The following TNRC6C variants were observed in gnomAD, a reference collection of about 807,000 sequenced individuals.
TNRC6C encodes the protein trinucleotide repeat-containing gene 6C protein.
Under a neutral mutation model 153.7 loss-of-function variants are expected in TNRC6C, and 20 were observed. The ratio of observed to expected loss-of-function variants is 0.13; its 90% CI spans 0.09 to 0.19. The LOEUF (loss-of-function observed/expected upper bound fraction) is 0.19. Ranked by LOEUF, TNRC6C falls within the 10% of genes least tolerant of loss-of-function variation. The pLI, the probability that TNRC6C is intolerant of heterozygous loss-of-function variation, is 1.00. For synonymous variants in TNRC6C, 811 were observed against 841.4 expected (o/e 0.96, Z 0.63); for missense variants, 1,987 against 2,172.0 (o/e 0.91, Z 1.69).
chr17:78,006,025 C>T (rs964152897), intron 1 of TNRC6C, among the ~76,000 whole-genome samples: 3 of 152,118 alleles, frequency 2.0e-5, no homozygotes, highest in African/African-American at 7.2e-5. Context: ...CATGCACTCT[C>T]ACAGCTAATA....
chr17:77,987,971 T>C (rs116127665), intron 1 of TNRC6C, among the ~76,000 whole-genome samples: 320 of 152,190 alleles, frequency 2.1e-3, no homozygotes, highest in African/African-American at 7.5e-3. Flanking sequence ...TGAGCCACCG[T>C]GCCCGGCCTG....
chr17:78,052,288 G>A (rs185610610), intron 3 of TNRC6C, among the ~76,000 whole-genome samples: 29 of 152,278 alleles, frequency 1.9e-4, no homozygotes, highest in Non-Finnish European at 3.1e-4. Flanking sequence ...GTAGAGGACA[G>A]GAACAGAGAA....
At chr17:78,024,912 G>C (rs2071908596) in intron 1 of TNRC6C, among the ~76,000 whole-genome samples, 1 of 151,648 alleles carries the variant, frequency 6.6e-6, no homozygotes, top group South Asian at 2.1e-4. Context: ...TCCTGCCTCA[G>C]CCTCCCGAGT....
chr17:77,990,601 C>G (rs1475820448), intron 1 of TNRC6C, among the ~76,000 whole-genome samples: 1 of 152,174 alleles, frequency 6.6e-6, no homozygotes, highest in Non-Finnish European at 1.5e-5. Context: ...TCCTGACCAG[C>G]CAGAATCCTT....
intron 16 of TNRC6C, among the ~76,000 whole-genome samples, chr17:78,094,796 A>G (rs1485322529): frequency 1.3e-5 from 2 of 152,244 alleles, no homozygotes; most frequent in African/African-American, 4.8e-5. Flanking sequence ...TTTGGCTGGA[A>G]AGCCAACATA....
exon 20 of TNRC6C, chr17:78,105,008 A>G (rs2073667098): frequency 2.2e-6 from 2 of 901,260 alleles, no homozygotes; most frequent in Non-Finnish European, 3.0e-6. Flanking sequence ...CTGTTCGCAA[A>G]ACAGTGCGGG....
At chr17:78,013,341 G>T (rs1240904016) in intron 1 of TNRC6C, among the ~76,000 whole-genome samples, 1 of 152,164 alleles carries the variant, frequency 6.6e-6, no homozygotes, top group East Asian at 1.9e-4. Flanking sequence ...GAGAGGGCTG[G>T]AGGCAGCAGG....
intron 1 of TNRC6C, among the ~76,000 whole-genome samples, chr17:77,990,634 C>T (rs576142665): frequency 6.6e-6 from 1 of 152,264 alleles, no homozygotes; most frequent in Non-Finnish European, 1.5e-5. Context: ...TCTCATAGCA[C>T]CCTGCACTTC....
rs181309703 is a variant in TNRC6C at position 77,981,432 on chromosome 17, T to C, written c.-38+22164T>C. Among the ~76,000 whole-genome samples the C allele has an allele frequency of 2.0e-3, 303 of 152,332 alleles. 1 individual carries two copies. The highest frequency in any genetic ancestry group is 4.4e-3 in the Admixed American group (68 of 15,294). ...CCCCATCCTGAAGCTAACAAGAGGC[T>C]GCCAGCTATCAGTCAACTCATTAGC... On this transcript the variant is annotated intron_variant, in intron 1 of 22. Transcript: ENST00000636222.
At chr17:78,077,467 TACTA>T in intron 9 of TNRC6C, 133 bp downstream of exon 11, 3 of 1,187,236 alleles carry the variant, frequency 2.5e-6, no homozygotes, top group Non-Finnish European at 2.4e-6. Context: ...GTAGTTGAAA[TACTA>T]CCAGGATTTC....
At chr17:77,968,879 CT>C (rs1567893708) in intron 1 of TNRC6C, among the ~76,000 whole-genome samples, 1 of 152,202 alleles carries the variant, frequency 6.6e-6, no homozygotes, top group African/African-American at 2.4e-5. Flanking sequence ...CCTTTCCCCC[CT>C]GTTTTCCCAC....
intron 3 of TNRC6C, among the ~76,000 whole-genome samples, chr17:78,052,856 A>G (rs1373900252): frequency 6.6e-6 from 1 of 152,226 alleles, no homozygotes; most frequent in African/African-American, 2.4e-5. Context: ...TCACTAAACC[A>G]GAGGTCAAAA....
chr17:77,960,504 A>G (rs1208725916), intron 1 of TNRC6C, among the ~76,000 whole-genome samples: 1 of 152,232 alleles, frequency 6.6e-6, no homozygotes, highest in East Asian at 1.9e-4. Flanking sequence ...TTGAATAACT[A>G]TGCGAATGAG....
rs1425684316 is a variant in TNRC6C at position 78,104,242 on chromosome 17, G to A, written c.4713-243G>A. ...GATGCAAATGACACTGACCCTAAAC[G>A]AGCCCACATTTAATGATCTGTTCAC... On this transcript the variant is annotated intron_variant, in intron 19 of 19. Coordinates refer to ENST00000301624, the Ensembl canonical transcript of TNRC6C. The surrounding 1 kb of genome is among the most constrained non-coding windows in gnomAD (Gnocchi z 6.2). Among the ~76,000 whole-genome samples, 1 of 152,134 alleles carries A rather than the reference G, an allele frequency of 6.6e-6. No homozygotes were observed. The highest frequency in any genetic ancestry group is 1.5e-5 in the Non-Finnish European group (1 of 68,030).
rs1353644920 is a variant in TNRC6C at position 78,006,625 on chromosome 17, TCTTCTTC to T, written c.-546+1554_-546+1560del. On this transcript the variant is annotated intron_variant, in intron 1 of 19. Coordinates refer to ENST00000301624, the Ensembl canonical transcript of TNRC6C. ...CTCCTTCTTCCTTCTTCTTCTTTCTTCTTCTTCCTTCTTCTTGAATTTTTCTGTCTGG... is the reference window on the plus strand; with the variant it reads ...CTCCTTCTTCCTTCTTCTTCTTTCTTCTTCTTCTTGAATTTTTCTGTCTGG... 6.1e-4 allele frequency among the ~76,000 whole-genome samples: 90 copies of T among 147,458 alleles called. 3 individuals are homozygous for T. Among genetic ancestry groups the T allele is most frequent in the African/African-American group, 2.1e-3 (82 of 38,180 alleles).
At chr17:78,022,137 G>C (rs1055101833) in intron 1 of TNRC6C, among the ~76,000 whole-genome samples, 13 of 152,098 alleles carry the variant, frequency 8.5e-5, no homozygotes, top group African/African-American at 3.1e-4. Context: ...ATTTGTCTTT[G>C]AGTTTTTCCC....
rs747506258 is a variant in TNRC6C at position 78,086,481 on chromosome 17, T to G, written c.3478-22T>G. ...CTTACACTTAATTATCATACTATTT[T>G]AACTCTTCGTTCTGTCAACAGGCAT... On this transcript the variant is annotated intron_variant, in intron 11 of 19. Transcript: ENST00000301624. 8 of 1,607,692 alleles carry G rather than the reference T, an allele frequency of 5.0e-6. No individual in the cohort carries two copies. In the South Asian group the frequency reaches 8.8e-5, roughly 18 times the overall value.
intron 1 of TNRC6C, among the ~76,000 whole-genome samples, chr17:78,020,713 G>A (rs1002140271): frequency 1.3e-5 from 2 of 152,104 alleles, no homozygotes; most frequent in Non-Finnish European, 2.9e-5. Context: ...CCAAAATATC[G>A]CCATTTCAAT....
chr17:78,065,902 C>T (rs1450521009), intron 4 of TNRC6C, among the ~76,000 whole-genome samples: 4 of 152,074 alleles, frequency 2.6e-5, no homozygotes, highest in African/African-American at 7.2e-5. Context: ...GTAATATTAA[C>T]ATGAGTATAA....
Sources: gnomAD v4.1 joint callset for allele counts (sites outside exome capture counted in the v4.1 genomes callset) on GRCh38, gnomAD v4.1.1 for gene constraint, Gnocchi (gnomAD v3.1) non-coding constraint, MANE v1.5 for transcripts, NCBI Gene and HGNC (gene_info 2026-07-23, HGNC 2026-07-21) for gene names.